SSH2: variants seen among roughly 807,000 people sequenced by gnomAD.
SSH2 encodes the protein slingshot protein phosphatase 2.
SSH2 carries 37 observed loss-of-function variants against 135.2 expected under a neutral mutation model. That is an observed-to-expected ratio of 0.27 (90% CI 0.21 to 0.36). SSH2 has a LOEUF of 0.36. Ranked by LOEUF, SSH2 falls within the 10% of genes least tolerant of loss-of-function variation. SSH2 has a pLI of 1.00. For missense variants in SSH2, 1,408 were observed against 1,765.3 expected, an observed-to-expected ratio of 0.80 and a Z score of 3.63; for synonymous variants, 628 against 646.2, an observed-to-expected ratio of 0.97 and a Z score of 0.43.
intron 1 of SSH2, among the ~76,000 whole-genome samples, chr17:29,859,359 T>C (rs1474252340): frequency 1.3e-5 from 2 of 152,162 alleles, no homozygotes; most frequent in Non-Finnish European, 2.9e-5. Context: ...TAAACTCATG[T>C]CACAGGGGTT....
intron 2 of SSH2, among the ~76,000 whole-genome samples, chr17:29,825,377 T>G (rs1316909914): frequency 6.6e-6 from 1 of 152,192 alleles, no homozygotes; most frequent in Admixed American, 6.6e-5. Flanking sequence ...ATACAAATAT[T>G]TAGCAAAATA....
chr17:29,918,685 C>T (rs1039564982), intron 1 of SSH2, among the ~76,000 whole-genome samples: 2 of 152,146 alleles, frequency 1.3e-5, no homozygotes, highest in African/African-American at 4.8e-5. Context: ...GCCTGTAATC[C>T]CAACACTTTG....
chr17:29,861,109 T>C (rs764054959), intron 1 of SSH2, among the ~76,000 whole-genome samples: 1 of 152,156 alleles, frequency 6.6e-6, no homozygotes, highest in Admixed American at 6.6e-5. Flanking sequence ...AAGTTCCTTA[T>C]AGATGCTGGA....
chr17:29,867,622 A>G (rs1043029154), intron 1 of SSH2, among the ~76,000 whole-genome samples: 1 of 152,234 alleles, frequency 6.6e-6, no homozygotes, highest in Non-Finnish European at 1.5e-5. Flanking sequence ...GCATCTGAAG[A>G]AAAGAAGACA....
rs11449000 is a variant in SSH2 at position 29,725,347 on chromosome 17, C to CAAAAAAAAAAAAAAAAAAAAAAAA, written c.189-22286_189-22285insTTTTTTTTTTTTTTTTTTTTTTTT. On this transcript the variant is annotated intron_variant, in intron 3 of 15. Transcript: ENST00000540801. ...GGGCGACACAGCAAGAATCAGTCTC[C>CAAAAAAAAAAAAAAAAAAAAAAAA]AAAAAAAAAAAAAAAAAAAAAAGCC... Among the ~76,000 whole-genome samples, 2 of 52,788 alleles carry CAAAAAAAAAAAAAAAAAAAAAAAA rather than the reference C, an allele frequency of 3.8e-5. 1 individual carries two copies. The highest frequency in any genetic ancestry group is 6.3e-5 in the Non-Finnish European group (2 of 31,888). 34.6% of individuals were successfully genotyped at this position (52,788 alleles called of 152,430 possible).
chr17:29,832,769 C>T (rs947357673), intron 2 of SSH2, among the ~76,000 whole-genome samples: 24 of 152,256 alleles, frequency 1.6e-4, no homozygotes, highest in African/African-American at 4.8e-4. Flanking sequence ...CAGGTTCAAG[C>T]GATCCTTGTG....
At chr17:29,851,777 G>A (rs550184843) in intron 1 of SSH2, among the ~76,000 whole-genome samples, 2 of 152,152 alleles carry the variant, frequency 1.3e-5, no homozygotes, top group African/African-American at 2.4e-5. Context: ...CGAGGTGGGA[G>A]GATAACTTGA....
intron 3 of SSH2, among the ~76,000 whole-genome samples, chr17:29,738,836 G>A (rs1012373393): frequency 2.0e-5 from 3 of 152,038 alleles, no homozygotes; most frequent in Non-Finnish European, 4.4e-5. Flanking sequence ...TTACAGGCGT[G>A]AGCCACCACG....
chr17:29,708,167 A>G lies in SSH2; in HGVS notation c.189-5105T>C, dbSNP rs1008062223. Among the ~76,000 whole-genome samples, 9 of 152,240 alleles carry G rather than the reference A, an allele frequency of 5.9e-5. No individual in the cohort carries two copies. The East Asian group carries it at 1.7e-3, about 29-fold the overall frequency. ...ATTATATGTAAATTTAATCACATAT[A>G]CTTTTGTGTAAGATAAAAGGTTGGT... is the stretch of plus-strand genomic sequence containing the variant. On this transcript the variant is annotated intron_variant, in intron 3 of 15. Coordinates refer to ENST00000540801, the MANE Select transcript of SSH2 (RefSeq NM_001282129.2).
intron 3 of SSH2, among the ~76,000 whole-genome samples, chr17:29,786,625 T>G (rs2041970836): frequency 6.6e-6 from 1 of 151,844 alleles, no homozygotes; most frequent in African/African-American, 2.4e-5. Context: ...GCCTGTCTTC[T>G]GAGAAAAAAA....
At chr17:29,768,882 T>A (rs577256978) in intron 3 of SSH2, among the ~76,000 whole-genome samples, 12 of 152,030 alleles carry the variant, frequency 7.9e-5, no homozygotes, top group African/African-American at 2.9e-4. Flanking sequence ...ATAACTGAAA[T>A]TTTTGAGCTG....
At chr17:29,802,728 T>C (rs1271896276) in intron 2 of SSH2, among the ~76,000 whole-genome samples, 2 of 151,760 alleles carry the variant, frequency 1.3e-5, no homozygotes, top group African/African-American at 2.4e-5. Flanking sequence ...TCTGATAAAT[T>C]TGGGGAAGAG....
chr17:29,757,136 A>C (rs1309856499), intron 3 of SSH2, among the ~76,000 whole-genome samples: 1 of 152,142 alleles, frequency 6.6e-6, no homozygotes, highest in Non-Finnish European at 1.5e-5. Flanking sequence ...TAGGACCCTA[A>C]ATCTGAATTG....
intron 2 of SSH2, among the ~76,000 whole-genome samples, chr17:29,818,495 G>A (rs546859024): frequency 2.0e-5 from 3 of 151,842 alleles, no homozygotes; most frequent in Non-Finnish European, 4.4e-5. Flanking sequence ...TGATCTGCCC[G>A]CCTCAGCCTC....
intron 1 of SSH2, chr17:29,928,199 G>A (rs2067104024): frequency 4.8e-6 from 1 of 208,530 alleles, no homozygotes; most frequent in Admixed American, 5.9e-5. Context: ...AAACCAAAGA[G>A]TTTACTAGTG....
At position 29,929,866 on chromosome 17, in the gene SSH2, G is replaced by A; in HGVS notation, c.63+72C>T. On this transcript the variant is annotated intron_variant, in intron 1 of 15. Transcript: ENST00000540801. ...GCGCGGCGCGTGCGCAGTGGCGTTC[G>A]GCGGGACCCGCTGAGGCAAAGCGGA... The A allele has an allele frequency of 2.1e-6, 3 of 1,438,020 alleles. No homozygotes were observed. In the East Asian group the frequency reaches 7.4e-5, roughly 36 times the overall value. 89.1% of individuals were successfully genotyped at this position (1,438,020 alleles called of 1,614,324 possible).
At chr17:29,784,053 G>A (rs865930564) in intron 3 of SSH2, among the ~76,000 whole-genome samples, 74 of 68,302 alleles carry the variant, frequency 1.1e-3, no homozygotes, top group African/African-American at 4.1e-3. Flanking sequence ...GTGACAGAGC[G>A]AGACTCCGTC....
chr17:29,633,221 A>G (rs2150963662), intron 15 of SSH2, among the ~76,000 whole-genome samples: 1 of 152,348 alleles, frequency 6.6e-6, no homozygotes, highest in Non-Finnish European at 1.5e-5. Context: ...TCCCAAATGA[A>G]CAGCAAATAT....
At position 29,632,604 on chromosome 17, in the gene SSH2, C is replaced by T; in HGVS notation, c.2590G>A (p.Asp864Asn). ...GCLTTHSSIA[D>N]LEEGEPAEGE... ...TCAGCTGGTTCCCCTTCTTCCAAGT[C>T]TGCTATAGATGAGTGTGTGGTTAGG... is the stretch of plus-strand genomic sequence containing the variant. The change falls in exon 16 of 16, where the codon GAC becomes AAC. Residue 864 changes from aspartate (D) to asparagine (N), a missense_variant. Around this residue, in one of 3 missense-constraint regions of SSH2, gnomAD observed 1,080 missense variants for 1,144.5 expected, o/e 0.94. Transcript: ENST00000540801. 6.2e-7 allele frequency: 1 copy of T among 1,614,182 alleles called. No homozygotes were observed. Among genetic ancestry groups the T allele is most frequent in the Non-Finnish European group, 8.5e-7 (1 of 1,180,030 alleles).
Sources: gnomAD v4.1 joint callset for allele counts (sites outside exome capture counted in the v4.1 genomes callset) on GRCh38, gnomAD v4.1.1 for gene constraint, gnomAD v4.1.1 regional missense constraint, MANE v1.5 for transcripts, NCBI Gene and HGNC (gene_info 2026-07-23, HGNC 2026-07-21) for gene names.